UHRF2: variants seen among roughly 807,000 people sequenced by gnomAD.
The protein encoded by UHRF2 is E3 ubiquitin-protein ligase UHRF2.
A neutral mutation model predicts 96.8 loss-of-function variants in UHRF2; 23 were observed. That is an observed-to-expected ratio of 0.24 (90% CI 0.17 to 0.34). The LOEUF is 0.34. Among genes scored for constraint, UHRF2 ranks in the 10% least tolerant of loss-of-function variants. The pLI is 1.00. For synonymous variants in UHRF2, 385 were observed against 332.6 expected, an observed-to-expected ratio of 1.16 and a Z score of -1.72; for missense variants, 685 against 981.5, an observed-to-expected ratio of 0.70 and a Z score of 4.04.
At chr9:6,442,450 A>AGGTTTGGTTT (rs1307819438) in intron 3 of UHRF2, among the ~76,000 whole-genome samples, 12 of 79,566 alleles carry the variant, frequency 1.5e-4, no homozygotes, top group Admixed American at 6.1e-4. Flanking sequence ...CATTGGCATA[A>AGGTTTGGTTT]GGTTTTGTTT....
intron 14 of UHRF2, among the ~76,000 whole-genome samples, chr9:6,503,803 A>AT (rs575807177): frequency 1.1e-3 from 165 of 152,120 alleles, no homozygotes; most frequent in African/African-American, 3.9e-3. Context: ...GTTGCCCATG[A>AT]TTTTTTTATT....
intron 14 of UHRF2, among the ~76,000 whole-genome samples, chr9:6,500,952 T>A (rs1181799308): frequency 6.6e-6 from 1 of 152,216 alleles, no homozygotes; most frequent in Admixed American, 6.5e-5. Flanking sequence ...TACTTTGAGG[T>A]ACTGTTCCTC....
chr9:6,481,952 A>G (rs1348888477), intron 7 of UHRF2, 40 bp from the exon 8 acceptor site: 1 of 1,599,918 alleles, frequency 6.3e-7, no homozygotes. Context: ...ATTAAAATTT[A>G]ACATAACTGA....
At chr9:6,469,135 T>C (rs1823058690) in intron 4 of UHRF2, among the ~76,000 whole-genome samples, 1 of 152,174 alleles carries the variant, frequency 6.6e-6, no homozygotes, top group African/African-American at 2.4e-5. Context: ...ACATGGTGAA[T>C]TTCAGCTGAG....
intron 3 of UHRF2, among the ~76,000 whole-genome samples, chr9:6,445,317 G>A (rs1821422060): frequency 1.3e-5 from 2 of 151,968 alleles, no homozygotes; most frequent in Admixed American, 1.3e-4. Flanking sequence ...AGGCTGGAGT[G>A]CAGTGGTATC....
intron 3 of UHRF2, among the ~76,000 whole-genome samples, chr9:6,435,299 AT>A (rs1820775936): frequency 6.6e-6 from 1 of 151,610 alleles, no homozygotes; most frequent in Non-Finnish European, 1.5e-5. Flanking sequence ...TGGCCGGCTA[AT>A]TTTTTTGTAG....
intron 3 of UHRF2, among the ~76,000 whole-genome samples, chr9:6,435,607 T>C (rs894892415): frequency 1.3e-5 from 2 of 152,022 alleles, no homozygotes; most frequent in Non-Finnish European, 2.9e-5. Context: ...TAATAGGATT[T>C]ATTTATTTAT....
chr9:6,451,774 T>TTGTTGTTGC (rs1407281572), intron 3 of UHRF2, among the ~76,000 whole-genome samples: 2 of 706 alleles, frequency 2.8e-3, no homozygotes, highest in African/African-American at 0.013. Flanking sequence ...CCCGGCCTGT[T>TTGTTGTTGC]TGTTGTTGTT....
intron 2 of UHRF2, among the ~76,000 whole-genome samples, chr9:6,430,765 A>G (rs779157986): frequency 2.6e-5 from 4 of 152,142 alleles, no homozygotes; most frequent in Admixed American, 6.5e-5. Context: ...GGAAAACACA[A>G]TAAAGGCTCT....
intron 4 of UHRF2, among the ~76,000 whole-genome samples, chr9:6,461,620 C>T (rs1023836026): frequency 2.1e-4 from 32 of 151,952 alleles, no homozygotes; most frequent in Non-Finnish European, 3.2e-4. Context: ...GATGTACCCG[C>T]CTCTGCCTCC....
chr9:6,427,948 G>A (rs1404151625), intron 2 of UHRF2, among the ~76,000 whole-genome samples: 6 of 152,236 alleles, frequency 3.9e-5, no homozygotes, highest in East Asian at 3.9e-4. Flanking sequence ...ATGGACATTC[G>A]AACCTAAGTT....
Position 6,481,692 on chromosome 9 carries a change from G to A in UHRF2, c.1210G>A (p.Glu404Lys). ...TDSSEVVKAGERLKMSKKKAK... is the reference protein window; with the variant it reads ...TDSSEVVKAGKRLKMSKKKAK... Reference sequence around the variant, plus strand: ...TTCCAGTGAAGTTGTAAAGGCTGGTGAAAGACTCAAGATGAGTAAAAAGAA... The same window carrying A: ...TTCCAGTGAAGTTGTAAAGGCTGGTAAAAGACTCAAGATGAGTAAAAAGAA... Residue 404 changes from glutamate (E) to lysine (K), a missense_variant, in exon 7 of 16, where the codon GAA becomes AAA. Glu to Lys is a moderately conservative substitution (Grantham distance 56). Around this residue, in one of 6 missense-constraint regions of UHRF2, gnomAD observed 391 missense variants for 437.0 expected, o/e 0.89. Transcript: ENST00000276893. 6.2e-7 allele frequency: 1 copy of A among 1,613,852 alleles called. No homozygotes were observed. The highest frequency in any genetic ancestry group is 8.5e-7 in the Non-Finnish European group (1 of 1,179,852).
intron 1 of UHRF2, among the ~76,000 whole-genome samples, chr9:6,416,544 T>C (rs1819610030): frequency 7.1e-6 from 1 of 140,884 alleles, no homozygotes; most frequent in African/African-American, 2.7e-5. Flanking sequence ...TCTTTTTTTT[T>C]TTTTTTTTTT....
chr9:6,443,747 G>C (rs1335183337), intron 3 of UHRF2, among the ~76,000 whole-genome samples: 1 of 152,046 alleles, frequency 6.6e-6, no homozygotes, highest in African/African-American at 2.4e-5. Context: ...CAGTGTCAAG[G>C]CTTTACCATG....
Position 6,420,604 on chromosome 9 carries a change from G to A in UHRF2, c.154-308G>A, listed in dbSNP as rs183725363. Among the ~76,000 whole-genome samples the A allele has an allele frequency of 9.9e-5, 15 of 151,868 alleles. 1 individual carries two copies. In the Middle Eastern group the frequency reaches 0.01, roughly 103 times the overall value. ...CCTGTAGTCCCAGCTACTTCAGGGA[G>A]GCTGAGGCAGGAGAATGGTGTGAAC... On this transcript the variant is annotated intron_variant, in intron 1 of 15. Coordinates refer to ENST00000276893, the MANE Select transcript of UHRF2 (RefSeq NM_152896.3).
Position 6,477,607 on chromosome 9 carries a change from T to G in UHRF2, c.974-15T>G, listed in dbSNP as rs780674061. 1.9e-6 allele frequency: 3 copies of G among 1,583,250 alleles called. No homozygotes were observed. On this transcript the variant is annotated splice_polypyrimidine_tract_variant and intron_variant, in intron 5 of 15. Coordinates refer to ENST00000276893, the MANE Select transcript of UHRF2 (RefSeq NM_152896.3). ...TGTTTTAAGACTAGACTTGCTATAA[T>G]TTTGTTCTTAATAGGGCGAAATGAC...
intron 4 of UHRF2, among the ~76,000 whole-genome samples, chr9:6,464,858 G>C (rs1300492565): frequency 2.0e-5 from 3 of 151,976 alleles, no homozygotes; most frequent in Non-Finnish European, 1.5e-5. Context: ...TATGTTCTTA[G>C]CTCTGTGTAC....
At chr9:6,438,796 C>G (rs544599295) in intron 3 of UHRF2, among the ~76,000 whole-genome samples, 2 of 152,300 alleles carry the variant, frequency 1.3e-5, no homozygotes, top group African/African-American at 4.8e-5. Flanking sequence ...TTCATTAAAA[C>G]AGAATTCGTT....
intron 14 of UHRF2, among the ~76,000 whole-genome samples, chr9:6,502,544 T>G (rs373687928): frequency 7.2e-5 from 11 of 152,352 alleles, no homozygotes; most frequent in African/African-American, 2.2e-4. Flanking sequence ...CGCTTCAGCC[T>G]CCTAAGTAGC....
Sources: gnomAD v4.1 joint callset for allele counts (sites outside exome capture counted in the v4.1 genomes callset) on GRCh38, gnomAD v4.1.1 for gene constraint, gnomAD v4.1.1 regional missense constraint, MANE v1.5 for transcripts, NCBI Gene and HGNC (gene_info 2026-07-23, HGNC 2026-07-21) for gene names.